Variants in EHBP1 observed in about 807,000 individuals in gnomAD.
EHBP1 encodes the protein EH domain-binding protein 1.
EHBP1 carries 55 observed loss-of-function variants against 144.0 expected under a neutral mutation model. The observed-to-expected ratio is 0.38, with a 90% CI of 0.31 to 0.48. The LOEUF is 0.48. Among genes scored for constraint, EHBP1 ranks in the 20% least tolerant of loss-of-function variants. The pLI is 0.98. For synonymous variants in EHBP1, 469 were observed against 472.7 expected (o/e 0.99, Z 0.10); for missense variants, 1,200 against 1,364.2 (o/e 0.88, Z 1.90).
intron 7 of EHBP1, among the ~76,000 whole-genome samples, chr2:62,852,128 A>G (rs1045746933): frequency 6.6e-6 from 1 of 152,134 alleles, no homozygotes; most frequent in African/African-American, 2.4e-5. Flanking sequence ...CGGTGCTCAA[A>G]TATAACATGT....
At chr2:62,764,776 T>C (rs923015187) in intron 4 of EHBP1, among the ~76,000 whole-genome samples, 2 of 152,098 alleles carry the variant, frequency 1.3e-5, no homozygotes, top group Admixed American at 1.3e-4. Flanking sequence ...GTGTTTTAAA[T>C]TGATATTTGA....
intron 19 of EHBP1, among the ~76,000 whole-genome samples, chr2:63,007,596 C>T (rs1316872945): frequency 6.6e-6 from 1 of 151,760 alleles, no homozygotes; most frequent in East Asian, 1.9e-4. Flanking sequence ...CCTACAGTGC[C>T]ATGTACAGTA....
chr2:62,989,569 T>G (rs755457019), intron 15 of EHBP1, among the ~76,000 whole-genome samples: 1 of 152,132 alleles, frequency 6.6e-6, no homozygotes, highest in Admixed American at 6.6e-5. Context: ...CTACTTAATG[T>G]TTTCCAAAAC....
intron 7 of EHBP1, among the ~76,000 whole-genome samples, chr2:62,857,662 G>A (rs2049164026): frequency 6.6e-6 from 1 of 151,904 alleles, no homozygotes; most frequent in South Asian, 2.1e-4. Context: ...ATCCTAAAAG[G>A]TTCTTATTTG....
intron 2 of EHBP1, among the ~76,000 whole-genome samples, chr2:62,746,178 A>C (rs567691871): frequency 6.6e-6 from 1 of 151,986 alleles, no homozygotes; most frequent in East Asian, 1.9e-4. Flanking sequence ...CTTCTTCCCA[A>C]CCCCATCTAT....
intron 1 of EHBP1, among the ~76,000 whole-genome samples, chr2:62,696,508 CTTTTTTTTTTT>C (rs869081763): frequency 1.3e-5 from 1 of 76,782 alleles, no homozygotes; most frequent in East Asian, 4.0e-4. Context: ...TTTTTTTCTT[CTTTTTTTTTTT>C]TTTTTTTTTT....
chr2:62,754,544 C>T (rs1035010683), intron 3 of EHBP1, among the ~76,000 whole-genome samples: 1 of 152,192 alleles, frequency 6.6e-6, no homozygotes, highest in Non-Finnish European at 1.5e-5. Context: ...TTTAAGTCTG[C>T]AGAGGTTTCT....
intron 10 of EHBP1, among the ~76,000 whole-genome samples, chr2:62,914,210 A>C (rs1012413969): frequency 6.6e-6 from 1 of 152,148 alleles, no homozygotes; most frequent in Admixed American, 6.5e-5. Flanking sequence ...TGCCCTGGTC[A>C]GTGTATCCAA....
chr2:62,928,497 A>G (rs2055713661), intron 10 of EHBP1, among the ~76,000 whole-genome samples: 1 of 152,200 alleles, frequency 6.6e-6, no homozygotes, highest in Non-Finnish European at 1.5e-5. Flanking sequence ...AGAGGACAGC[A>G]TTCATGGAAC....
intron 1 of EHBP1, among the ~76,000 whole-genome samples, chr2:62,694,604 T>C (rs2034017949): frequency 6.6e-6 from 1 of 152,030 alleles, no homozygotes; most frequent in South Asian, 2.1e-4. Flanking sequence ...CATATCCTTG[T>C]ATTAAGGGTA....
At chr2:62,841,602 T>G (rs933318168) in intron 7 of EHBP1, among the ~76,000 whole-genome samples, 3 of 152,244 alleles carry the variant, frequency 2.0e-5, no homozygotes, top group African/African-American at 7.2e-5. Flanking sequence ...CCATTGGCTA[T>G]TATGTTTATT....
chr2:62,683,658 CAAAAAAAAAA>C (rs397936534), intron 1 of EHBP1, among the ~76,000 whole-genome samples: 4 of 50,140 alleles, frequency 8.0e-5, no homozygotes, highest in Admixed American at 2.5e-4. Context: ...GACTCCATCT[CAAAAAAAAAA>C]AAAAAAAAAA....
At chr2:62,911,402 C>G (rs1356343214) in intron 10 of EHBP1, among the ~76,000 whole-genome samples, 1 of 152,074 alleles carries the variant, frequency 6.6e-6, no homozygotes, top group South Asian at 2.1e-4. Flanking sequence ...CAAAATAAGG[C>G]ATTAGAATGT....
intron 19 of EHBP1, among the ~76,000 whole-genome samples, chr2:63,033,323 G>T (rs1366932021): frequency 2.0e-5 from 3 of 152,034 alleles, no homozygotes; most frequent in Non-Finnish European, 4.4e-5. Flanking sequence ...GTTTAGCTTT[G>T]CTATGTTCTG....
intron 20 of EHBP1, 91 bp downstream of exon 20, chr2:63,037,725 C>T (rs1035155935): frequency 7.8e-5 from 56 of 716,622 alleles, no homozygotes; most frequent in Non-Finnish European, 4.8e-5. Flanking sequence ...AATATTTATT[C>T]GGTATTTTCC....
At chr2:62,868,903 A>G (rs1331968285) in intron 9 of EHBP1, among the ~76,000 whole-genome samples, 1 of 152,164 alleles carries the variant, frequency 6.6e-6, no homozygotes, top group African/African-American at 2.4e-5. Context: ...GCAGTGAGCT[A>G]TGATCACTCC....
At chr2:62,735,581 T>TA (rs2038046962) in intron 2 of EHBP1, among the ~76,000 whole-genome samples, 2 of 152,202 alleles carry the variant, frequency 1.3e-5, no homozygotes, top group Non-Finnish European at 2.9e-5. Context: ...ATGAGACAAA[T>TA]ACAAGTTTTC....
intron 7 of EHBP1, among the ~76,000 whole-genome samples, chr2:62,856,392 A>G (rs2049058667): frequency 6.6e-6 from 1 of 152,162 alleles, no homozygotes; most frequent in African/African-American, 2.4e-5. Context: ...TGGAAACTGC[A>G]GTGCACCTGG....
chr2:62,910,896 A>G (rs539252025), intron 10 of EHBP1, among the ~76,000 whole-genome samples: 7 of 152,308 alleles, frequency 4.6e-5, no homozygotes, highest in Non-Finnish European at 8.8e-5. Flanking sequence ...ATCTTAATCC[A>G]GCTCTTCTTT....
Sources: gnomAD v4.1 joint callset for allele counts (sites outside exome capture counted in the v4.1 genomes callset) on GRCh38, gnomAD v4.1.1 for gene constraint, MANE v1.5 for transcripts, NCBI Gene and HGNC (gene_info 2026-07-23, HGNC 2026-07-21) for gene names.